The following SHISA6 variants were observed in gnomAD, a reference collection of about 807,000 sequenced individuals.
SHISA6 encodes the protein protein shisa-6.
In SHISA6, 22 loss-of-function variants were observed where a neutral mutation model predicts 47.9. The ratio of observed to expected loss-of-function variants is 0.46; its 90% CI spans 0.33 to 0.66. The LOEUF (loss-of-function observed/expected upper bound fraction) is 0.66, where lower values mean the gene tolerates loss of function less well. Among genes scored for constraint, SHISA6 ranks in the 30% least tolerant of loss-of-function variants. SHISA6 has a pLI of 0.02. For missense variants in SHISA6, 680 were observed against 764.6 expected (o/e 0.89, Z 1.30); for synonymous variants, 388 against 337.8 (o/e 1.15, Z -1.63).
At chr17:11,315,710 TC>T (rs1317638915) in intron 2 of SHISA6, among the ~76,000 whole-genome samples, 3 of 152,190 alleles carry the variant, frequency 2.0e-5, no homozygotes, top group African/African-American at 7.2e-5. Flanking sequence ...TCTTGAACTT[TC>T]CCTGCATTCC....
chr17:11,321,270 A>G (rs918538227), intron 2 of SHISA6, among the ~76,000 whole-genome samples: 5 of 152,196 alleles, frequency 3.3e-5, no homozygotes, highest in African/African-American at 1.2e-4. Flanking sequence ...AGTGTCAGGA[A>G]GTTTCTGTTC....
At chr17:11,540,283 G>A (rs2071822448) in intron 3 of SHISA6, among the ~76,000 whole-genome samples, 1 of 152,194 alleles carries the variant, frequency 6.6e-6, no homozygotes, top group African/African-American at 2.4e-5. Flanking sequence ...TTCTCATTCT[G>A]TGGCTGCTGG....
intron 3 of SHISA6, among the ~76,000 whole-genome samples, chr17:11,481,205 G>A (rs1219275993): frequency 1.3e-5 from 2 of 151,868 alleles, no homozygotes; most frequent in South Asian, 2.1e-4. Flanking sequence ...TTTGAACCCG[G>A]GAGGCAGAGG....
chr17:11,317,970 C>A (rs150264313), intron 2 of SHISA6, among the ~76,000 whole-genome samples: 4,650 of 152,192 alleles, frequency 0.031, 104 homozygotes, highest in Non-Finnish European at 0.045. Flanking sequence ...CCTGTCCCTG[C>A]CACTCATTCC....
At chr17:11,548,682 G>A (rs908558097) in intron 3 of SHISA6, among the ~76,000 whole-genome samples, 1 of 151,976 alleles carries the variant, frequency 6.6e-6, no homozygotes, top group Non-Finnish European at 1.5e-5. Context: ...GTGTGCTCAG[G>A]GTTGTTTGAT....
intron 3 of SHISA6, among the ~76,000 whole-genome samples, chr17:11,525,950 A>T (rs1269512478): frequency 6.6e-6 from 1 of 152,028 alleles, no homozygotes; most frequent in Non-Finnish European, 1.5e-5. Flanking sequence ...TTGAGGCTTC[A>T]GTAAGCTGAG....
At chr17:11,539,266 G>A (rs936360663) in intron 3 of SHISA6, among the ~76,000 whole-genome samples, 15 of 152,142 alleles carry the variant, frequency 9.9e-5, no homozygotes, top group Non-Finnish European at 1.9e-4. Flanking sequence ...ATACTCTCAG[G>A]ATCCCATTGA....
chr17:11,294,568 C>T (rs1418041771), intron 2 of SHISA6, among the ~76,000 whole-genome samples: 1 of 152,042 alleles, frequency 6.6e-6, no homozygotes, highest in African/African-American at 2.4e-5. Context: ...AAGTTTGTTC[C>T]CAAATGAGAC....
intron 3 of SHISA6, among the ~76,000 whole-genome samples, chr17:11,515,110 C>T (rs567831726): frequency 7.2e-5 from 11 of 152,056 alleles, no homozygotes; most frequent in Admixed American, 6.5e-4. Flanking sequence ...ACCCAGGATT[C>T]CCCTAAATCC....
chr17:11,296,674 G>A (rs1429586946), intron 2 of SHISA6, among the ~76,000 whole-genome samples: 5 of 152,132 alleles, frequency 3.3e-5, no homozygotes, highest in Non-Finnish European at 7.3e-5. Flanking sequence ...AGTATTGGAA[G>A]TGATGGGGGG....
At chr17:11,526,481 C>T (rs1293820269) in intron 3 of SHISA6, among the ~76,000 whole-genome samples, 1 of 152,170 alleles carries the variant, frequency 6.6e-6, no homozygotes, top group African/African-American at 2.4e-5. Flanking sequence ...GAGCATCGCA[C>T]TTGTACTCTA....
chr17:11,316,721 A>G lies in SHISA6; in HGVS notation c.799+53195A>G, dbSNP rs1397627532. ...AGGAGTGAGCTACCACGCCCGGCCC[A>G]TCCTTCTCTTTTATGTAGACTTAGT... On this transcript the variant is annotated intron_variant, in intron 2 of 5. Transcript: ENST00000441885. 3.9e-5 allele frequency among the ~76,000 whole-genome samples: 6 copies of G among 152,156 alleles called. No individual in the cohort carries two copies. The East Asian group carries it at 1.2e-3, about 29-fold the overall frequency.
chr17:11,465,807 A>G (rs973085391), intron 3 of SHISA6, among the ~76,000 whole-genome samples: 1 of 152,142 alleles, frequency 6.6e-6, no homozygotes, highest in Non-Finnish European at 1.5e-5. Flanking sequence ...GGTTTGCACA[A>G]CTGCATCTGT....
intron 3 of SHISA6, among the ~76,000 whole-genome samples, chr17:11,528,306 G>A (rs928713273): frequency 5.9e-5 from 9 of 152,178 alleles, no homozygotes; most frequent in African/African-American, 2.2e-4. Context: ...TATATACTGT[G>A]TGTCCCTGAA....
chr17:11,466,693 T>C (rs1334107262), intron 3 of SHISA6, among the ~76,000 whole-genome samples: 1 of 152,210 alleles, frequency 6.6e-6, no homozygotes, highest in East Asian at 1.9e-4. Flanking sequence ...GTAGGCACTT[T>C]TTTCTGAACT....
intron 2 of SHISA6, among the ~76,000 whole-genome samples, chr17:11,301,139 G>C (rs1398433065): frequency 2.6e-5 from 4 of 151,986 alleles, no homozygotes; most frequent in Non-Finnish European, 4.4e-5. Context: ...TGCTGAGCCC[G>C]GTAGCAGACC....
intron 2 of SHISA6, among the ~76,000 whole-genome samples, chr17:11,376,817 T>C (rs1912818032): frequency 2.0e-5 from 3 of 152,162 alleles, no homozygotes; most frequent in Admixed American, 2.0e-4. Context: ...TAGCATCATC[T>C]GGGAACTTGT....
chr17:11,460,960 G>T (rs1331082680), intron 3 of SHISA6, among the ~76,000 whole-genome samples: 2 of 152,122 alleles, frequency 1.3e-5, no homozygotes, highest in African/African-American at 4.8e-5. Context: ...AACATAGAGG[G>T]ATTTTTTTAG....
At chr17:11,401,975 G>A (rs117560072) in intron 3 of SHISA6, among the ~76,000 whole-genome samples, 3,126 of 152,264 alleles carry the variant, frequency 0.021, 109 homozygotes, top group African/African-American at 0.06. Flanking sequence ...AAACCACAAT[G>A]AACACTCCCT....
Sources: gnomAD v4.1 joint callset for allele counts (sites outside exome capture counted in the v4.1 genomes callset) on GRCh38, gnomAD v4.1.1 for gene constraint, MANE v1.5 for transcripts, NCBI Gene and HGNC (gene_info 2026-07-23, HGNC 2026-07-21) for gene names.